Variants in ABCA13 observed in about 807,000 individuals in gnomAD.
The protein encoded by ABCA13 is ATP-binding cassette sub-family A member 13.
ABCA13 carries 476 observed loss-of-function variants against 478.7 expected under a neutral mutation model. The ratio of observed to expected loss-of-function variants is 0.99; its 90% CI spans 0.92 to 1.07. The LOEUF is 1.07. Among genes scored for constraint, ABCA13 ranks in the 50% least tolerant of loss-of-function variants. The pLI is 0.00. For synonymous variants in ABCA13, 2,252 were observed against 2,158.9 expected (o/e 1.04, Z -1.20); for missense variants, 6,060 against 5,910.6 (o/e 1.03, Z -0.83).
At position 48,275,864 on chromosome 7, in the gene ABCA13, G is replaced by A. The variant is rs750597298; in HGVS notation, c.6198G>A (p.Met2066Ile). Residue 2066 changes from methionine (M) to isoleucine (I), a missense_variant, in exon 17 of 62, where the codon ATG becomes ATA. Coordinates refer to ENST00000435803, the MANE Select transcript of ABCA13 (RefSeq NM_152701.5). Reference protein sequence around the residue: ...EELWPKFQQIMKDLTQDFRIR... With the variant: ...EELWPKFQQIIKDLTQDFRIR... ...TATGGCCCAAGTTTCAACAAATCAT[G>A]AAAGACCTAACCCAAGATTTTAGAA... 1 of 1,613,448 alleles carries A rather than the reference G, an allele frequency of 6.2e-7. No homozygotes were observed. Among genetic ancestry groups the A allele is most frequent in the South Asian group, 1.1e-5 (1 of 91,058 alleles).
chr7:48,355,147 G>C (rs1013757545), intron 31 of ABCA13, among the ~76,000 whole-genome samples: 2 of 149,064 alleles, frequency 1.3e-5, no homozygotes, highest in Non-Finnish European at 3.0e-5. Flanking sequence ...TGCATTGAAT[G>C]ATAGGAAGCA....
chr7:48,350,707 C>G lies in ABCA13; in HGVS notation c.10269C>G (p.Ile3423Met), dbSNP rs1424991914. The G allele has an allele frequency of 6.2e-7, 1 of 1,613,860 alleles. No homozygotes were observed. The highest frequency in any genetic ancestry group is 1.3e-5 in the African/African-American group (1 of 74,922). ...GAGRFRFLGS[I>M]LVNLSSCVAL... ...GACGCTTCCGTTTCTTGGGCAGCAT[C>G]TTGGTCAATCTCTCTTCCTGCGTGG... is the stretch of plus-strand genomic sequence containing the variant. The change falls in exon 30 of 62, where the codon ATC becomes ATG. Residue 3423 changes from isoleucine (I) to methionine (M), a missense_variant. This residue lies in a region of ABCA13 where 4,423 missense variants were observed against 4,309.1 expected (regional missense o/e 1.03). Transcript: ENST00000435803.
chr7:48,279,229 G>T lies in ABCA13; in HGVS notation c.8035G>T (p.Gly2679Cys), dbSNP rs1209961370. Residue 2679 changes from glycine to cysteine, a missense_variant, in exon 18 of 62, where the codon GGT becomes TGT. This residue lies in a region of ABCA13 where 4,423 missense variants were observed against 4,309.1 expected (regional missense o/e 1.03). Transcript: ENST00000435803. ...TGTCAACTTACGGGAAGAAATTCTG[G>T]GTTGCTTAGTTCCTATAAATAACAT... ...DSVNLREEIL[G>C]CLVPINNITN... The T allele has an allele frequency of 6.3e-7, 1 of 1,589,726 alleles. No homozygotes were observed. Among genetic ancestry groups the T allele is most frequent in the Non-Finnish European group, 8.6e-7 (1 of 1,166,880 alleles).
intron 59 of ABCA13, among the ~76,000 whole-genome samples, chr7:48,635,781 A>T (rs1794585079): frequency 6.6e-6 from 1 of 152,194 alleles, no homozygotes; most frequent in Admixed American, 6.5e-5. Flanking sequence ...AGAAGAGTAG[A>T]TCTTGTTTTA....
chr7:48,609,884 A>C (rs983854022), intron 58 of ABCA13, among the ~76,000 whole-genome samples: 5 of 152,210 alleles, frequency 3.3e-5, no homozygotes, highest in Non-Finnish European at 7.3e-5. Flanking sequence ...CCCATGATCA[A>C]ATCATCTCCG....
intron 27 of ABCA13, among the ~76,000 whole-genome samples, chr7:48,328,480 C>T (rs557486822): frequency 6.6e-6 from 1 of 152,090 alleles, no homozygotes; most frequent in Non-Finnish European, 1.5e-5. Flanking sequence ...TTGATATAAC[C>T]TCCTATAAAA....
At chr7:48,174,087 C>T (rs369359465) in intron 1 of ABCA13, among the ~76,000 whole-genome samples, 309 of 152,290 alleles carry the variant, frequency 2.0e-3, no homozygotes, top group African/African-American at 7.2e-3. Context: ...TTTAAACTGA[C>T]CTATTTTTCA....
chr7:48,561,930 T>C (rs186900362), intron 55 of ABCA13, among the ~76,000 whole-genome samples: 172 of 152,214 alleles, frequency 1.1e-3, no homozygotes, highest in Admixed American at 2.8e-3. Context: ...AAGTGTCCAA[T>C]TTCATTCTTT....
rs761508150 is a variant in ABCA13, at chr7:48,389,214, C to T, written c.11648C>T (p.Thr3883Ile). ...GGGACAAACGGTGCCGGGAAAACCACTATCATGTGGGTCCCATTTTACCCT... is the reference window on the plus strand; with the variant it reads ...GGGACAAACGGTGCCGGGAAAACCATTATCATGTGGGTCCCATTTTACCCT... Reference protein sequence around the residue: ...LLGTNGAGKTTIISMLTGLHP... With the variant: ...LLGTNGAGKTIIISMLTGLHP... The change falls in exon 37 of 62, where the codon ACT (threonine) becomes ATT (isoleucine). Residue 3883 changes from threonine (T) to isoleucine (I), a missense_variant. By Grantham distance (89) the Thr-to-Ile change is moderately conservative. Around this residue, in one of 3 missense-constraint regions of ABCA13, gnomAD observed 1,627 missense variants for 1,571.0 expected, o/e 1.04. Transcript: ENST00000435803. The T allele has an allele frequency of 1.9e-6, 3 of 1,613,168 alleles. No individual in the cohort carries two copies. Among genetic ancestry groups the T allele is most frequent in the East Asian group, 2.2e-5 (1 of 44,822 alleles).
At chr7:48,410,093 C>CAAA (rs58724216) in intron 39 of ABCA13, among the ~76,000 whole-genome samples, 13 of 67,192 alleles carry the variant, frequency 1.9e-4, no homozygotes, top group African/African-American at 7.4e-4. Flanking sequence ...GACTCCATCT[C>CAAA]AAAAAAAAAA....
At chr7:48,314,494 T>C (rs1380959009) in intron 26 of ABCA13, 85 bp downstream of exon 26, 5 of 1,262,552 alleles carry the variant, frequency 4.0e-6, no homozygotes, top group Admixed American at 2.7e-5. Flanking sequence ...GTATTCTGTC[T>C]GTGTATAAGG....
At chr7:48,208,358 C>T (rs753536630) in intron 3 of ABCA13, among the ~76,000 whole-genome samples, 13 of 151,928 alleles carry the variant, frequency 8.6e-5, no homozygotes, top group East Asian at 1.9e-4. Context: ...TTGGTATTTT[C>T]ATAGCGATTG....
At chr7:48,637,628 C>T (rs1427769407) in intron 59 of ABCA13, among the ~76,000 whole-genome samples, 1 of 152,026 alleles carries the variant, frequency 6.6e-6, no homozygotes, top group Admixed American at 6.5e-5. Flanking sequence ...GTCACCTCAC[C>T]ACCTTGGAAA....
chr7:48,473,213 C>T (rs1270647648), intron 45 of ABCA13, among the ~76,000 whole-genome samples: 3 of 152,174 alleles, frequency 2.0e-5, no homozygotes, highest in Non-Finnish European at 4.4e-5. Context: ...TGGGTGGAGA[C>T]ATAGAGTCAA....
intron 33 of ABCA13, among the ~76,000 whole-genome samples, chr7:48,372,899 T>C (rs961358658): frequency 1.3e-5 from 2 of 152,254 alleles, no homozygotes; most frequent in Non-Finnish European, 2.9e-5. Flanking sequence ...AATCTCTCTG[T>C]TAGCAATGTC....
At chr7:48,387,404 C>T (rs1015976206) in intron 35 of ABCA13, among the ~76,000 whole-genome samples, 2 of 152,112 alleles carry the variant, frequency 1.3e-5, no homozygotes, top group African/African-American at 4.8e-5. Context: ...TAATCCCCTC[C>T]TACACTTACC....
intron 61 of ABCA13, among the ~76,000 whole-genome samples, chr7:48,645,102 A>G (rs1795355927): frequency 6.6e-6 from 1 of 152,200 alleles, no homozygotes; most frequent in African/African-American, 2.4e-5. Context: ...TTCTGGGGAA[A>G]CAAAAAGCGT....
In ABCA13 at chr7:48,278,787, A is replaced by G. The variant is rs1389987516; in HGVS notation, c.7593A>G (p.Lys2531=). Residue 2531 remains lysine, a synonymous_variant, in exon 18 of 62, where the codon AAA becomes AAG. Coordinates refer to ENST00000435803, the MANE Select transcript of ABCA13 (RefSeq NM_152701.5). ...SIVKLLKLVK[K]VSGKMSTVFK... ...TGAAACTTCTTAAGCTGGTCAAGAA[A>G]GTTTCGGGGAAGATGTCCACAGTTT... 5.0e-6 allele frequency: 8 copies of G among 1,613,832 alleles called. No homozygotes were observed. The highest frequency in any genetic ancestry group is 6.8e-6 in the Non-Finnish European group (8 of 1,179,898).
At chr7:48,416,407 T>A (rs6966723) in intron 41 of ABCA13, among the ~76,000 whole-genome samples, 25,518 of 152,070 alleles carry the variant, frequency 0.17, 2,468 homozygotes, top group East Asian at 0.25. Context: ...CGACAGAGCC[T>A]GCAGGGCCAC....
Sources: allele counts gnomAD v4.1 joint callset (sites outside exome capture counted in the v4.1 genomes callset), GRCh38; gene constraint gnomAD v4.1.1; regional missense constraint gnomAD v4.1.1; transcripts MANE v1.5; gene names NCBI Gene and HGNC (gene_info 2026-07-23, HGNC 2026-07-21).